The following DCAF6 variants were observed in gnomAD, a reference collection of about 807,000 sequenced individuals.
The protein encoded by DCAF6 is DDB1- and CUL4-associated factor 6.
A neutral mutation model predicts 125.1 loss-of-function variants in DCAF6; 54 were observed. That is an observed-to-expected ratio of 0.43 (90% confidence interval 0.35 to 0.54). The LOEUF is 0.54. Ranked by LOEUF, DCAF6 falls within the 20% of genes least tolerant of loss-of-function variation. The pLI, the probability that DCAF6 is intolerant of heterozygous loss-of-function variation, is 0.01. For synonymous variants in DCAF6, 371 were observed against 390.4 expected, an observed-to-expected ratio of 0.95 and a Z score of 0.58; for missense variants, 934 against 1,161.7, an observed-to-expected ratio of 0.80 and a Z score of 2.85.
chr1:168,010,360 C>T (rs73026169), intron 10 of DCAF6, among the ~76,000 whole-genome samples: 21,036 of 151,854 alleles, frequency 0.14, 1,927 homozygotes, highest in African/African-American at 0.26. Flanking sequence ...GAGTTGAATA[C>T]GCAAAATGAA....
upstream of DCAF6, chr1:167,936,671 T>G: frequency 2.2e-6 from 1 of 464,034 alleles, no homozygotes; most frequent in Non-Finnish European, 3.9e-6. Context: ...GAGGAGACTG[T>G]TGCTGATCTT....
chr1:168,030,716 T>C (rs188896516), intron 12 of DCAF6, among the ~76,000 whole-genome samples: 85 of 152,312 alleles, frequency 5.6e-4, no homozygotes, highest in Middle Eastern at 6.8e-3. Flanking sequence ...AATTTTCTTA[T>C]GTAGATAGTT....
In DCAF6 at chr1:168,000,509, T is replaced by C. The variant is rs111248539; in HGVS notation, c.904-1973T>C. The stretch of plus-strand genomic sequence containing the variant: ...TTTCAATTCTTTTGGGTAGTTCTCC[T>C]GTATACCCAAGAGAATTGAAACATG... On this transcript the variant is annotated intron_variant, in intron 7 of 21. Transcript: ENST00000367840. 2.9e-3 allele frequency among the ~76,000 whole-genome samples: 445 copies of C among 152,296 alleles called. 1 individual carries two copies. The highest frequency in any genetic ancestry group is 0.01 in the African/African-American group (423 of 41,556).
At chr1:167,980,573 G>A (rs1039246176) in intron 4 of DCAF6, among the ~76,000 whole-genome samples, 14 of 152,004 alleles carry the variant, frequency 9.2e-5, no homozygotes, top group African/African-American at 3.1e-4. Context: ...TACTGAAGTT[G>A]AGCTTCTTTT....
At chr1:167,985,549 T>G (rs1266283568) in intron 4 of DCAF6, among the ~76,000 whole-genome samples, 2 of 152,142 alleles carry the variant, frequency 1.3e-5, no homozygotes, top group Non-Finnish European at 2.9e-5. Context: ...GTAATTATAT[T>G]GGGCCTCTGT....
the DCAF6 span, among the ~76,000 whole-genome samples, chr1:167,883,827 G>T: frequency 6.6e-6 from 1 of 152,170 alleles, no homozygotes; most frequent in Admixed American, 6.5e-5. Flanking sequence ...GGGGACTTAT[G>T]CATGTGCTAA....
chr1:168,063,232 TC>T (rs377688864), intron 17 of DCAF6, among the ~76,000 whole-genome samples: 128 of 152,350 alleles, frequency 8.4e-4, no homozygotes, highest in African/African-American at 2.6e-3. Flanking sequence ...TTTTCATTTC[TC>T]TTTATGTGTT....
the DCAF6 span, chr1:167,893,798 C>T: frequency 1.7e-6 from 2 of 1,207,214 alleles, no homozygotes; most frequent in Non-Finnish European, 2.4e-6. Flanking sequence ...CTTAAAATTC[C>T]AGCTGTCCAG....
At chr1:168,007,772 T>G (rs1282020889) in intron 10 of DCAF6, among the ~76,000 whole-genome samples, 1 of 151,918 alleles carries the variant, frequency 6.6e-6, no homozygotes, top group Admixed American at 6.6e-5. Context: ...TTGGGCTCTC[T>G]TCTCTTCTCT....
At position 168,025,677 on chromosome 1, in the gene DCAF6, C is replaced by G. The variant is rs368222117; in HGVS notation, c.1609+2630C>G. Reference sequence around the variant, plus strand: ...CTAAAAGTTAATAGAGACTGCCCACCACCATTTGTCTCTCCTAGATTAATG... The same window carrying G: ...CTAAAAGTTAATAGAGACTGCCCACGACCATTTGTCTCTCCTAGATTAATG... On this transcript the variant is annotated intron_variant, in intron 12 of 21. Transcript: ENST00000367840. Among the ~76,000 whole-genome samples the G allele has an allele frequency of 7.7e-4, 117 of 152,238 alleles. 1 individual carries two copies. The South Asian group carries it at 0.022, about 29-fold the overall frequency.
At chr1:168,032,038 C>T (rs1687166632) in intron 12 of DCAF6, among the ~76,000 whole-genome samples, 1 of 152,202 alleles carries the variant, frequency 6.6e-6, no homozygotes, top group Non-Finnish European at 1.5e-5. Flanking sequence ...GTTCAATTCA[C>T]ACTTCTATGT....
chr1:167,897,332 C>CA, the DCAF6 span, among the ~76,000 whole-genome samples: 13,446 of 118,320 alleles, frequency 0.11, 707 homozygotes, highest in Admixed American at 0.15. Context: ...ACCAAAAATA[C>CA]AAAAAAAAAA....
At chr1:167,877,628 G>A in the DCAF6 span, among the ~76,000 whole-genome samples, 3 of 152,140 alleles carry the variant, frequency 2.0e-5, no homozygotes, top group South Asian at 4.2e-4. Flanking sequence ...AGTGAAAACT[G>A]TAGGAAGTGA....
chr1:167,922,960 G>A, the DCAF6 span, among the ~76,000 whole-genome samples: 19 of 152,118 alleles, frequency 1.2e-4, no homozygotes, highest in South Asian at 2.1e-4. Context: ...TGTTCAGCAT[G>A]ACTAATCATT....
At position 168,002,529 on chromosome 1, in the gene DCAF6, A is replaced by C; in HGVS notation, c.951A>C (p.Ser317=). Residue 317 remains serine, a synonymous_variant, in exon 8 of 22, where the codon TCA becomes TCC. Coordinates refer to ENST00000367840, the MANE Select transcript of DCAF6 (RefSeq NM_001198956.2). ...VKRLRLRGDW[S]DTGPRARPES... Reference sequence around the variant, plus strand: ...GTTTGAGACTTCGTGGTGATTGGTCAGATACTGGACCCAGAGCAAGGCCGG... The same window carrying C: ...GTTTGAGACTTCGTGGTGATTGGTCCGATACTGGACCCAGAGCAAGGCCGG... The C allele has an allele frequency of 1.2e-6, 2 of 1,613,130 alleles. No individual in the cohort carries two copies.
At chr1:167,946,562 A>T (rs1437174975) in intron 1 of DCAF6, among the ~76,000 whole-genome samples, 1 of 152,102 alleles carries the variant, frequency 6.6e-6, no homozygotes, top group Non-Finnish European at 1.5e-5. Flanking sequence ...CTAGTTTACT[A>T]AGGGTTTTTC....
chr1:167,937,009 G>A lies in DCAF6; in HGVS notation c.97+1G>A. The A allele has an allele frequency of 6.2e-7, 1 of 1,607,262 alleles. No homozygotes were observed. Among genetic ancestry groups the A allele is most frequent in the Non-Finnish European group, 8.5e-7 (1 of 1,177,580 alleles). Reference sequence around the variant, plus strand: ...TCCCGGCTGCGGAGTCGCTACCTGGGTGAGCGGGGGCCCCGGGGCGGAGGC... The same window carrying A: ...TCCCGGCTGCGGAGTCGCTACCTGGATGAGCGGGGGCCCCGGGGCGGAGGC... On this transcript the variant is annotated splice_donor_variant, in intron 1 of 21. Coordinates refer to ENST00000367840, the MANE Select transcript of DCAF6 (RefSeq NM_001198956.2). LOFTEE classifies it high-confidence loss of function.
At chr1:168,007,771 C>A (rs923276056) in intron 10 of DCAF6, among the ~76,000 whole-genome samples, 1 of 151,810 alleles carries the variant, frequency 6.6e-6, no homozygotes, top group Non-Finnish European at 1.5e-5. Flanking sequence ...TTTGGGCTCT[C>A]TTCTCTTCTC....
rs78595126 is a variant in DCAF6, at chr1:168,040,785, A to G, written c.1728-2240A>G. ...TTTGAATGCTACTTTTCCTTCTCTAAAAACTGACCATGAATTATATTCTCA... is the reference window on the plus strand; with the variant it reads ...TTTGAATGCTACTTTTCCTTCTCTAGAAACTGACCATGAATTATATTCTCA... On this transcript the variant is annotated intron_variant, in intron 13 of 21. Transcript: ENST00000367840. Among the ~76,000 whole-genome samples, 699 of 150,902 alleles carry G rather than the reference A, an allele frequency of 4.6e-3. 8 individuals carry two copies. In the East Asian group the frequency reaches 0.06, roughly 13 times the overall value.
Sources: gnomAD v4.1 joint callset for allele counts (sites outside exome capture counted in the v4.1 genomes callset) on GRCh38, gnomAD v4.1.1 for gene constraint, MANE v1.5 for transcripts, NCBI Gene and HGNC (gene_info 2026-07-23, HGNC 2026-07-21) for gene names.